Variants in CFAP54 observed in about 807,000 individuals in gnomAD.
The protein encoded by CFAP54 is cilia- and flagella-associated protein 54.
CFAP54 carries 290 observed loss-of-function variants against 370.4 expected under a neutral mutation model. The observed-to-expected ratio is 0.78, with a 90% CI of 0.71 to 0.86. CFAP54 has a LOEUF of 0.86. Among genes scored for constraint, CFAP54 ranks in the 40% least tolerant of loss-of-function variants. CFAP54 has a pLI of 0.00. For synonymous variants in CFAP54, 1,206 were observed against 1,236.5 expected, an observed-to-expected ratio of 0.98 and a Z score of 0.52; for missense variants, 3,399 against 3,528.7, an observed-to-expected ratio of 0.96 and a Z score of 0.93.
At chr12:96,614,141 A>G (rs1319218390) in intron 26 of CFAP54, among the ~76,000 whole-genome samples, 2 of 152,244 alleles carry the variant, frequency 1.3e-5, no homozygotes, top group Non-Finnish European at 2.9e-5. Flanking sequence ...GGAATCCAGC[A>G]GCACATCAAA....
At position 96,699,953 on chromosome 12, in the gene CFAP54, A is replaced by G; in HGVS notation, c.6352-18A>G. The G allele has an allele frequency of 6.5e-7, 1 of 1,536,116 alleles. No individual in the cohort carries two copies. Among genetic ancestry groups the G allele is most frequent in the Non-Finnish European group, 8.8e-7 (1 of 1,131,942 alleles). On this transcript the variant is annotated intron_variant, in intron 45 of 67. Coordinates refer to ENST00000524981, the MANE Select transcript of CFAP54 (RefSeq NM_001306084.2). ...AAATTGTTTAATTAAGTACCTCATTATTTCCTTTCCTTTACAGATAGAAGT... is the reference window on the plus strand; with the variant it reads ...AAATTGTTTAATTAAGTACCTCATTGTTTCCTTTCCTTTACAGATAGAAGT...
intron 50 of CFAP54, among the ~76,000 whole-genome samples, chr12:96,730,062 T>C (rs1287712159): frequency 2.0e-5 from 3 of 152,136 alleles, no homozygotes; most frequent in African/African-American, 7.2e-5. Flanking sequence ...AGTTATCCTC[T>C]AGTTTGGGAA....
intron 30 of CFAP54, among the ~76,000 whole-genome samples, chr12:96,627,531 C>A (rs1430381109): frequency 6.6e-6 from 1 of 152,156 alleles, no homozygotes; most frequent in African/African-American, 2.4e-5. Flanking sequence ...ATCTGTCCAT[C>A]CCATTTTAAT....
intron 17 of CFAP54, among the ~76,000 whole-genome samples, chr12:96,556,776 A>G (rs1955756996): frequency 6.6e-6 from 1 of 152,194 alleles, no homozygotes; most frequent in Non-Finnish European, 1.5e-5. Context: ...GCTGGAGGCT[A>G]TTATCCTTAG....
chr12:96,843,126 A>G lies in CFAP54; in HGVS notation c.9171+14038A>G, dbSNP rs144796159. Among the ~76,000 whole-genome samples, 65 of 152,368 alleles carry G rather than the reference A, an allele frequency of 4.3e-4. 3 individuals are homozygous for G. In the East Asian group the frequency reaches 0.012, roughly 29 times the overall value. On this transcript the variant is annotated intron_variant, in intron 66 of 67. Transcript: ENST00000524981. ...CTTTGATTCTAGGCAACGAAGTCCC[A>G]GGAACAAAATGCAGACTTTAGTTCA...
At chr12:96,613,012 C>A (rs912074985) in intron 26 of CFAP54, among the ~76,000 whole-genome samples, 1 of 152,142 alleles carries the variant, frequency 6.6e-6, no homozygotes, top group African/African-American at 2.4e-5. Flanking sequence ...AGCTCTGCAC[C>A]AGGCAGACCT....
chr12:96,686,770 C>T (rs976446073), intron 42 of CFAP54, among the ~76,000 whole-genome samples: 4 of 151,916 alleles, frequency 2.6e-5, no homozygotes, highest in Non-Finnish European at 4.4e-5. Context: ...TTGGTGGGGA[C>T]GTATATTCAA....
In CFAP54 at chr12:96,491,206, A is replaced by T. The variant is rs1405600895; in HGVS notation, c.317+1280A>T. On this transcript the variant is annotated intron_variant, in intron 1 of 67. Transcript: ENST00000524981. ...AGGTCAGGAAAAGTTGCTTTTGAGAAAGATGAGAAAGATATGGGAGCAATT... is the reference window on the plus strand; with the variant it reads ...AGGTCAGGAAAAGTTGCTTTTGAGATAGATGAGAAAGATATGGGAGCAATT... Among the ~76,000 whole-genome samples, 3 of 152,122 alleles carry T rather than the reference A, an allele frequency of 2.0e-5. No individual in the cohort carries two copies. In the East Asian group the frequency reaches 5.8e-4, roughly 29 times the overall value.
rs12582889 is a variant in CFAP54 at position 96,598,999 on chromosome 12, G to A, written c.3639+232G>A. Among the ~76,000 whole-genome samples the A allele has an allele frequency of 8.6e-3, 1,298 of 151,750 alleles. 54 individuals are homozygous for A. The East Asian group carries it at 0.095, about 11-fold the overall frequency. ...ACTTGATGTTATTGAAATAGCATTA[G>A]TATATCTATCTATATATTTATTATT... On this transcript the variant is annotated intron_variant, in intron 26 of 67. Coordinates refer to ENST00000524981, the MANE Select transcript of CFAP54 (RefSeq NM_001306084.2).
intron 48 of CFAP54, among the ~76,000 whole-genome samples, chr12:96,711,716 A>C (rs1173793938): frequency 6.6e-6 from 1 of 152,222 alleles, no homozygotes; most frequent in African/African-American, 2.4e-5. Context: ...CAGAGACTTT[A>C]AGCATTAAAA....
intron 23 of CFAP54, among the ~76,000 whole-genome samples, chr12:96,591,426 A>G (rs1001535524): frequency 5.3e-5 from 8 of 152,162 alleles, no homozygotes; most frequent in African/African-American, 1.9e-4. Flanking sequence ...GAGAGCAGGC[A>G]GAAGCTTAGT....
chr12:96,683,794 G>T (rs1337180487), intron 40 of CFAP54, among the ~76,000 whole-genome samples: 1 of 147,252 alleles, frequency 6.8e-6, no homozygotes, highest in Admixed American at 6.7e-5. Context: ...GTGTGATTTT[G>T]TTGTTGTTTT....
chr12:96,850,041 A>G (rs1478429799), intron 66 of CFAP54, among the ~76,000 whole-genome samples: 1 of 152,108 alleles, frequency 6.6e-6, no homozygotes, highest in African/African-American at 2.4e-5. Flanking sequence ...TGGCAGCCCT[A>G]GAGTCGTCTG....
At chr12:96,527,014 G>A (rs1030434212) in intron 8 of CFAP54, among the ~76,000 whole-genome samples, 1 of 147,000 alleles carries the variant, frequency 6.8e-6, no homozygotes, top group South Asian at 2.2e-4. Context: ...TCCCACCTCA[G>A]CCTCCCAAGT....
intron 50 of CFAP54, among the ~76,000 whole-genome samples, chr12:96,723,622 T>A (rs1015175955): frequency 3.3e-5 from 5 of 151,860 alleles, no homozygotes; most frequent in Non-Finnish European, 5.9e-5. Flanking sequence ...TATGAGAGAA[T>A]GGGAAGAGAG....
At chr12:96,569,269 G>T (rs76538588) in intron 19 of CFAP54, among the ~76,000 whole-genome samples, 9,733 of 152,080 alleles carry the variant, frequency 0.064, 775 homozygotes, top group African/African-American at 0.18. Flanking sequence ...TTCTTTTTCC[G>T]TATCAGATGT....
chr12:96,828,032 A>G (rs1592791930), intron 65 of CFAP54, among the ~76,000 whole-genome samples: 1 of 126,582 alleles, frequency 7.9e-6, no homozygotes, highest in Admixed American at 1.0e-4. Context: ...GTATTAATAT[A>G]TAATATATAA....
intron 47 of CFAP54, among the ~76,000 whole-genome samples, chr12:96,707,160 T>G (rs1251351205): frequency 6.6e-6 from 1 of 152,082 alleles, no homozygotes; most frequent in Non-Finnish European, 1.5e-5. Context: ...TGTGGTGGCC[T>G]GAAAGCCAAG....
intron 26 of CFAP54, among the ~76,000 whole-genome samples, chr12:96,606,949 A>G (rs969185591): frequency 6.6e-6 from 1 of 152,222 alleles, no homozygotes; most frequent in Non-Finnish European, 1.5e-5. Context: ...CAGTTTGACC[A>G]GAGATCTGGA....
Sources: gnomAD v4.1 joint callset for allele counts (sites outside exome capture counted in the v4.1 genomes callset) on GRCh38, gnomAD v4.1.1 for gene constraint, MANE v1.5 for transcripts, NCBI Gene and HGNC (gene_info 2026-07-23, HGNC 2026-07-21) for gene names.